Variants in MAD1L1 observed in about 807,000 individuals in gnomAD.
MAD1L1 encodes the protein mitotic arrest deficient 1 like 1.
A neutral mutation model predicts 96.9 loss-of-function variants in MAD1L1; 95 were observed. The observed-to-expected ratio is 0.98, with a 90% confidence interval of 0.83 to 1.16. MAD1L1 has a LOEUF of 1.16. Ranked by LOEUF, MAD1L1 falls within the 50% of genes most tolerant of loss-of-function variation. The pLI, the probability that MAD1L1 is intolerant of heterozygous loss-of-function variation, is 0.00. For synonymous variants in MAD1L1, 473 were observed against 396.6 expected (o/e 1.19, Z -2.29); for missense variants, 1,007 against 954.4 (o/e 1.06, Z -0.73).
At chr7:1,898,471 G>A in intron 17 of MAD1L1, 81 bp from the exon 18 acceptor site, 1 of 1,272,812 alleles carries the variant, frequency 7.9e-7, no homozygotes, top group South Asian at 1.4e-5. Context: ...GGGCAGGGAG[G>A]AAGCCGAGTA....
intron 10 of MAD1L1, among the ~76,000 whole-genome samples, chr7:2,186,513 T>G (rs1791467449): frequency 6.6e-6 from 1 of 152,256 alleles, no homozygotes; most frequent in South Asian, 2.1e-4. Flanking sequence ...ACTGCTAATG[T>G]TAACCTGGGA....
intron 11 of MAD1L1, among the ~76,000 whole-genome samples, chr7:2,101,053 G>C (rs1219706938): frequency 6.6e-6 from 1 of 152,230 alleles, no homozygotes; most frequent in Non-Finnish European, 1.5e-5. Flanking sequence ...TCAGCAAGAG[G>C]ATGGGGGGAG....
intron 17 of MAD1L1, among the ~76,000 whole-genome samples, chr7:1,917,739 C>G (rs1788502636): frequency 6.6e-6 from 1 of 152,184 alleles, no homozygotes; most frequent in Admixed American, 6.5e-5. Context: ...GGCTGGCACA[C>G]GCTGCCCGGG....
intron 10 of MAD1L1, among the ~76,000 whole-genome samples, chr7:2,204,217 GCTTAAACAGCACCCCCAGGCCACT>G (rs1792467091): frequency 6.6e-6 from 1 of 152,130 alleles, no homozygotes; most frequent in Non-Finnish European, 1.5e-5. Context: ...ATGAAGGCTG[GCTTAAACAGCACCCCCAGGCCACT>G]CTCCAATTCA....
rs572959036 is a variant in MAD1L1 at position 2,175,876 on chromosome 7, C to G, written c.987-26638G>C. Among the ~76,000 whole-genome samples, 20 of 152,282 alleles carry G rather than the reference C, an allele frequency of 1.3e-4. No homozygotes were observed. In the South Asian group the frequency reaches 4.1e-3, roughly 32 times the overall value. On this transcript the variant is annotated intron_variant, in intron 10 of 18. Transcript: ENST00000265854. ...AGATTAAAAACAGATGGAAAAACTA[C>G]AACGGTGAGAAATCAACCAAGTCAA...
intron 17 of MAD1L1, among the ~76,000 whole-genome samples, chr7:1,912,815 T>C (rs1411556556): frequency 1.3e-5 from 2 of 152,180 alleles, no homozygotes; most frequent in African/African-American, 2.4e-5. Flanking sequence ...ACCTCATCTG[T>C]TTCCGGAAGC....
At chr7:1,983,691 C>G (rs1484891240) in intron 14 of MAD1L1, among the ~76,000 whole-genome samples, 4 of 152,198 alleles carry the variant, frequency 2.6e-5, no homozygotes, top group Non-Finnish European at 2.9e-5. Flanking sequence ...ATGTCTTCAC[C>G]TACGTATCCA....
At chr7:1,825,498 G>C (rs1782342429) in intron 18 of MAD1L1, among the ~76,000 whole-genome samples, 1 of 152,264 alleles carries the variant, frequency 6.6e-6, no homozygotes, top group South Asian at 2.1e-4. Flanking sequence ...GAGGCTACCT[G>C]TCATAGGGCT....
intron 18 of MAD1L1, among the ~76,000 whole-genome samples, chr7:1,883,265 A>G (rs1322028006): frequency 6.6e-6 from 1 of 152,198 alleles, no homozygotes; most frequent in Non-Finnish European, 1.5e-5. Context: ...ACTGTGAATC[A>G]CAAATGTCCA....
chr7:2,138,594 A>G (rs1368688087), intron 11 of MAD1L1, among the ~76,000 whole-genome samples: 1 of 152,148 alleles, frequency 6.6e-6, no homozygotes, highest in Admixed American at 6.5e-5. Flanking sequence ...GAAGCAGCAG[A>G]TGGGGCCTCC....
chr7:1,899,836 C>A (rs1316904816), intron 17 of MAD1L1, among the ~76,000 whole-genome samples: 1 of 152,186 alleles, frequency 6.6e-6, no homozygotes, highest in Non-Finnish European at 1.5e-5. Flanking sequence ...CAGGTTGCTT[C>A]CTGGAGGTGA....
At chr7:1,995,553 C>G (rs1295463189) in intron 14 of MAD1L1, among the ~76,000 whole-genome samples, 3 of 152,124 alleles carry the variant, frequency 2.0e-5, no homozygotes, top group Non-Finnish European at 4.4e-5. Context: ...GAGCCCCAGG[C>G]GGGGGGCCCA....
chr7:1,928,737 G>T (rs1163413158), intron 17 of MAD1L1, among the ~76,000 whole-genome samples: 1 of 152,234 alleles, frequency 6.6e-6, no homozygotes, highest in Non-Finnish European at 1.5e-5. Context: ...GCCCTGCCCA[G>T]GTGGCACGGG....
rs892806575 is a variant in MAD1L1, at chr7:2,222,870, A to G, written c.292-116T>C. ...GAGGCACAAAAAAGAGCCGAGCAGG[A>G]CCCATGAGCCAAGTCATAGGCAGAA... On this transcript the variant is annotated intron_variant, in intron 4 of 18. Coordinates refer to ENST00000265854, the MANE Select transcript of MAD1L1 (RefSeq NM_001013836.2). 9.4e-6 allele frequency: 8 copies of G among 847,290 alleles called. No individual in the cohort carries two copies. In the African/African-American group the frequency reaches 1.2e-4, roughly 13 times the overall value. The allele number at this position is 847,290 out of a possible 1,614,324, so 52.5% of individuals were successfully genotyped here.
intron 14 of MAD1L1, among the ~76,000 whole-genome samples, chr7:1,985,457 A>G (rs944866999): frequency 4.0e-5 from 4 of 101,240 alleles, no homozygotes; most frequent in African/African-American, 1.4e-4. Flanking sequence ...AGGGCCTCAC[A>G]GTCACTCTCT....
At chr7:2,219,193 A>T (rs1290403701) in intron 6 of MAD1L1, 139 bp downstream of exon 6, 2 of 824,806 alleles carry the variant, frequency 2.4e-6, no homozygotes, top group East Asian at 2.8e-5. Flanking sequence ...AGGCCTCAGC[A>T]TCTGCCCCTC....
intron 18 of MAD1L1, among the ~76,000 whole-genome samples, chr7:1,861,240 G>C (rs957090361): frequency 6.6e-6 from 1 of 152,184 alleles, no homozygotes; most frequent in African/African-American, 2.4e-5. Context: ...TGCTGGGTCC[G>C]GTGGGGGCTG....
At chr7:1,872,453 G>A (rs1785160055) in intron 18 of MAD1L1, among the ~76,000 whole-genome samples, 1 of 152,212 alleles carries the variant, frequency 6.6e-6, no homozygotes, top group African/African-American at 2.4e-5. Context: ...CCCAGGCCCT[G>A]AGCCTCAGGG....
chr7:2,208,748 T>G (rs778554683), intron 10 of MAD1L1, among the ~76,000 whole-genome samples: 16 of 152,194 alleles, frequency 1.1e-4, no homozygotes, highest in South Asian at 4.1e-4. Flanking sequence ...TCTTTCCCAC[T>G]GGCCTCTCTG....
Sources: gnomAD v4.1 joint callset for allele counts (sites outside exome capture counted in the v4.1 genomes callset) on GRCh38, gnomAD v4.1.1 for gene constraint, MANE v1.5 for transcripts, NCBI Gene and HGNC (gene_info 2026-07-23, HGNC 2026-07-21) for gene names.